Variants in CHFR observed in about 807,000 individuals in gnomAD.
CHFR encodes the protein E3 ubiquitin-protein ligase CHFR.
Under a neutral mutation model 87.6 loss-of-function variants are expected in CHFR, and 57 were observed. The ratio of observed to expected loss-of-function variants is 0.65; its 90% CI spans 0.53 to 0.81. The LOEUF is 0.81. Among genes scored for constraint, CHFR ranks in the 30% least tolerant of loss-of-function variants. CHFR has a pLI of 0.00. For missense variants in CHFR, 797 were observed against 865.8 expected (o/e 0.92, Z 1.00); for synonymous variants, 381 against 359.2 (o/e 1.06, Z -0.69).
chr12:132,864,106 G>A (rs779135921), intron 6 of CHFR, among the ~76,000 whole-genome samples: 9 of 151,182 alleles, frequency 6.0e-5, no homozygotes, highest in Non-Finnish European at 1.2e-4. Flanking sequence ...TCTTAATAAA[G>A]ACTTAGTTTA....
At position 132,877,483 on chromosome 12, in the gene CHFR, C is replaced by G; in HGVS notation, c.233+72G>C. Reference sequence around the variant, plus strand: ...TCTTCTCCTCCTCAGCCGTGGCACACAGCACAGAGCACGAAGTCAGGCTTC... The same window carrying G: ...TCTTCTCCTCCTCAGCCGTGGCACAGAGCACAGAGCACGAAGTCAGGCTTC... On this transcript the variant is annotated intron_variant, in intron 3 of 17. Coordinates refer to ENST00000450056, the MANE Select transcript of CHFR (RefSeq NM_001161346.2). 4.0e-6 allele frequency: 4 copies of G among 1,008,536 alleles called. No homozygotes were observed. The South Asian group carries it at 6.3e-5, about 16-fold the overall frequency. The allele number at this position is 1,008,536 out of a possible 1,614,324, so 62.5% of individuals were successfully genotyped here. A position where few individuals can be genotyped will look rare whatever the true frequency, so the allele number is the denominator to read the frequency against.
chr12:132,873,987 C>T (rs951048573), intron 3 of CHFR, among the ~76,000 whole-genome samples: 1 of 152,206 alleles, frequency 6.6e-6, no homozygotes, highest in African/African-American at 2.4e-5. Context: ...GGCCCCTACA[C>T]ACGTGGTTCC....
At chr12:132,881,338 T>C (rs1011396791) in intron 2 of CHFR, among the ~76,000 whole-genome samples, 2 of 151,834 alleles carry the variant, frequency 1.3e-5, no homozygotes, top group Non-Finnish European at 2.9e-5. Flanking sequence ...CTGGTGGAAA[T>C]ATTTGTAAAA....
intron 3 of CHFR, among the ~76,000 whole-genome samples, chr12:132,875,763 G>A (rs570755288): frequency 6.6e-6 from 1 of 152,282 alleles, no homozygotes; most frequent in Non-Finnish European, 1.5e-5. Flanking sequence ...GTAAGAAAAA[G>A]TCAAAACAAT....
chr12:132,872,436 C>T, intron 3 of CHFR, 42 bp from the exon 4 acceptor site: 1 of 1,465,418 alleles, frequency 6.8e-7, no homozygotes, highest in South Asian at 1.1e-5. Context: ...CTTAAAATAA[C>T]TTGGAGTTAC....
At chr12:132,848,232 A>G in intron 13 of CHFR, 77 bp from the exon 14 acceptor site, 1 of 1,603,990 alleles carries the variant, frequency 6.2e-7, no homozygotes, top group Non-Finnish European at 8.5e-7. Flanking sequence ...CACTGAGGAT[A>G]AACATATTTC....
intron 15 of CHFR, among the ~76,000 whole-genome samples, chr12:132,845,463 A>T (rs973402719): frequency 1.4e-5 from 2 of 143,536 alleles, no homozygotes; most frequent in Admixed American, 7.3e-5. Flanking sequence ...ATCTCAAAAA[A>T]AAAAATAAAT....
Position 132,848,628 on chromosome 12 carries a change from G to A in CHFR, c.1576+13C>T, listed in dbSNP as rs1014868671. On this transcript the variant is annotated intron_variant, in intron 13 of 17. Transcript: ENST00000450056. ...AAGGTCAAAGCAACTGGGGCCTGAA[G>A]AGCCAGTATTACCACAAAACGGGGC... 1.3e-6 allele frequency: 2 copies of A among 1,580,704 alleles called. No individual in the cohort carries two copies. Among genetic ancestry groups the A allele is most frequent in the African/African-American group, 2.7e-5 (2 of 74,218 alleles).
In CHFR at chr12:132,881,821, T is replaced by C. The variant is rs532405243; in HGVS notation, c.134-4167A>G. Among the ~76,000 whole-genome samples the C allele has an allele frequency of 4.4e-4, 65 of 147,848 alleles. 1 individual carries two copies. Among genetic ancestry groups the C allele is most frequent in the Non-Finnish European group, 8.7e-4 (59 of 67,664 alleles). On this transcript the variant is annotated intron_variant, in intron 2 of 17. Transcript: ENST00000450056. ...AGGCGGAGGTTGCAGTGAGCTGAGA[T>C]TGCGCCACTGCAAATCCAGCCTGGC... is the stretch of plus-strand genomic sequence containing the variant.
At chr12:132,885,161 G>A (rs1055352184) in intron 2 of CHFR, among the ~76,000 whole-genome samples, 7 of 151,846 alleles carry the variant, frequency 4.6e-5, no homozygotes, top group Non-Finnish European at 4.4e-5. Context: ...TGTAATCCCA[G>A]CACTTTGGGA....
chr12:132,847,577 G>C (rs1367620220), intron 14 of CHFR: 2 of 1,066,122 alleles, frequency 1.9e-6, no homozygotes, highest in Non-Finnish European at 2.3e-6. Context: ...GCGCCTGCCA[G>C]GTGTGTCTGT....
chr12:132,839,511 TCAGGACC>T lies in CHFR; in HGVS notation c.*2036_*2042del, dbSNP rs1950674301. 1 of 136,746 alleles carries T rather than the reference TCAGGACC, an allele frequency of 7.3e-6. No individual in the cohort carries two copies. The highest frequency in any genetic ancestry group is 1.4e-5 in the Non-Finnish European group (1 of 69,104). 8.5% of individuals were successfully genotyped at this position (136,746 alleles called of 1,614,324 possible). On this transcript the variant is annotated 3_prime_UTR_variant, in exon 18 of 18. Coordinates refer to ENST00000450056, the MANE Select transcript of CHFR (RefSeq NM_001161346.2). ...CTCTCAGCCTCGCCTCTGCACAAAC[TCAGGACC>T]TCCCCTCTCGGCCTCACCCCCGCAC...
intron 2 of CHFR, among the ~76,000 whole-genome samples, chr12:132,880,750 AG>A (rs1951749132): frequency 6.8e-6 from 1 of 147,944 alleles, no homozygotes; most frequent in Non-Finnish European, 1.5e-5. Flanking sequence ...GCGGATCACA[AG>A]GTCAGGAGTT....
At chr12:132,847,857 G>T in intron 14 of CHFR, 3 of 1,383,118 alleles carry the variant, frequency 2.2e-6, no homozygotes, top group Non-Finnish European at 2.8e-6. Context: ...TTGGTGGCAG[G>T]AGGCACAAAA....
intron 8 of CHFR, among the ~76,000 whole-genome samples, chr12:132,857,918 T>C (rs927580827): frequency 2.0e-5 from 3 of 152,228 alleles, no homozygotes; most frequent in African/African-American, 7.2e-5. Flanking sequence ...CCTTCCCAGA[T>C]AAGGAGCATT....
Position 132,863,209 on chromosome 12 carries a change from T to TA in CHFR, c.584-1576dup, listed in dbSNP as rs749209980. ...CCGCGCCCGGCCTGACCTCATTTCT[T>TA]AAAAAAAAAAAAAAAATGCCAGGCG... On this transcript the variant is annotated intron_variant, in intron 6 of 17. Transcript: ENST00000450056. Among the ~76,000 whole-genome samples, 818 of 129,702 alleles carry TA rather than the reference T, an allele frequency of 6.3e-3. 6 individuals are homozygous for TA. Among genetic ancestry groups the TA allele is most frequent in the East Asian group, 0.04 (162 of 4,080 alleles). 85.1% of individuals were successfully genotyped at this position (129,702 alleles called of 152,430 possible).
At position 132,881,850 on chromosome 12, in the gene CHFR, A is replaced by G. The variant is rs547378868; in HGVS notation, c.134-4196T>C. ...GCCACTGCAAATCCAGCCTGGCGAC[A>G]GGGCAAGACGCTGTCTCAAAAAAAA... is the stretch of plus-strand genomic sequence containing the variant. On this transcript the variant is annotated intron_variant, in intron 2 of 17. Coordinates refer to ENST00000450056, the MANE Select transcript of CHFR (RefSeq NM_001161346.2). Among the ~76,000 whole-genome samples, 338 of 141,474 alleles carry G rather than the reference A, an allele frequency of 2.4e-3. 1 individual carries two copies. Among genetic ancestry groups the G allele is most frequent in the Non-Finnish European group, 4.0e-3 (263 of 65,364 alleles). 92.8% of individuals were successfully genotyped at this position (141,474 alleles called of 152,430 possible).
In CHFR at chr12:132,834,939, G is replaced by C. The variant is rs548523904; in HGVS notation, c.*6615C>G. On this transcript the variant is annotated 3_prime_UTR_variant, in exon 18 of 18. Transcript: ENST00000450056. Reference sequence around the variant, plus strand: ...TCACCATGTTAGCCAGGATGGTCTCGATCTCCTGACCTCGTGATCCGCCCG... The same window carrying C: ...TCACCATGTTAGCCAGGATGGTCTCCATCTCCTGACCTCGTGATCCGCCCG... 1 of 151,268 alleles carries C rather than the reference G, an allele frequency of 6.6e-6. No individual in the cohort carries two copies. Among genetic ancestry groups the C allele is most frequent in the Non-Finnish European group, 1.5e-5 (1 of 67,874 alleles). The allele number at this position is 151,268 out of a possible 1,614,324, so 9.4% of individuals were successfully genotyped here. A position where few individuals can be genotyped will look rare whatever the true frequency, so the allele number is the denominator to read the frequency against.
chr12:132,859,675 T>C (rs1661719334), intron 7 of CHFR, among the ~76,000 whole-genome samples: 1 of 152,112 alleles, frequency 6.6e-6, no homozygotes, highest in African/African-American at 2.4e-5. Flanking sequence ...TATTTTTCTA[T>C]AATGCTCAGA....
Sources: gnomAD v4.1 joint callset for allele counts (sites outside exome capture counted in the v4.1 genomes callset) on GRCh38, gnomAD v4.1.1 for gene constraint, MANE v1.5 for transcripts, NCBI Gene and HGNC (gene_info 2026-07-23, HGNC 2026-07-21) for gene names.